IDNK: variants seen among roughly 807,000 people sequenced by gnomAD.
IDNK encodes IDNK gluconokinase.
A neutral mutation model predicts 13.0 loss-of-function variants in IDNK; 9 were observed. That is an observed-to-expected ratio of 0.69 (90% CI 0.42 to 1.21). The LOEUF (loss-of-function observed/expected upper bound fraction) is 1.21. Among genes scored for constraint, IDNK ranks in the 50% most tolerant of loss-of-function variants. IDNK has a pLI of 0.00. For missense variants in IDNK, 210 were observed against 237.8 expected (o/e 0.88, Z 0.77); for synonymous variants, 92 against 94.9 (o/e 0.97, Z 0.18).
At chr9:83,624,272 T>C (rs1830784041) in intron 1 of IDNK, among the ~76,000 whole-genome samples, 1 of 152,230 alleles carries the variant, frequency 6.6e-6, no homozygotes, top group Non-Finnish European at 1.5e-5. Flanking sequence ...CTTGGTTCTG[T>C]TGCTGTCTGG....
intron 1 of IDNK, among the ~76,000 whole-genome samples, chr9:83,626,094 C>A (rs1376736696): frequency 6.6e-6 from 1 of 152,218 alleles, no homozygotes; most frequent in Non-Finnish European, 1.5e-5. Flanking sequence ...TGCATCCCTT[C>A]CTTCTCCCCC....
chr9:83,623,344 G>T (rs1408808703), intron 1 of IDNK, 123 bp downstream of exon 1: 8 of 968,010 alleles, frequency 8.3e-6, no homozygotes, highest in Non-Finnish European at 1.2e-5. Context: ...TCCCTTTGCA[G>T]ATGAAGAAAC....
Position 83,643,669 on chromosome 9 carries a change from G to GT in IDNK, c.456dup (p.Glu153Ter), listed in dbSNP as rs1467774853. ...TGCCCCCTGAATTATTGCAGTCCCA[G>GT]TTTGAGACTCTGGAGCCCCCAGCAG... On this transcript the variant is annotated frameshift_variant, in exon 5 of 5. Coordinates refer to ENST00000376419, the MANE Select transcript of IDNK (RefSeq NM_001001551.4). LOFTEE classifies it high-confidence loss of function. The GT allele has an allele frequency of 6.2e-7, 1 of 1,613,864 alleles. No individual in the cohort carries two copies. Among genetic ancestry groups the GT allele is most frequent in the African/African-American group, 1.3e-5 (1 of 74,926 alleles).
chr9:83,635,607 C>A (rs1831142351), intron 3 of IDNK, among the ~76,000 whole-genome samples: 1 of 152,206 alleles, frequency 6.6e-6, no homozygotes, highest in Non-Finnish European at 1.5e-5. Context: ...GCCTTGCTAG[C>A]CTGGGAGTCA....
In IDNK at chr9:83,643,816, G is replaced by T; in HGVS notation, c.*36G>T. 1 of 1,485,584 alleles carries T rather than the reference G, an allele frequency of 6.7e-7. No individual in the cohort carries two copies. 92.0% of individuals were successfully genotyped at this position (1,485,584 alleles called of 1,614,324 possible). A position where few individuals can be genotyped will look rare whatever the true frequency, so the allele number is the denominator to read the frequency against. On this transcript the variant is annotated 3_prime_UTR_variant, in exon 5 of 5. Transcript: ENST00000376419. ...GTATCAGTGGTCCAAACAGAACTAA[G>T]CATAAATCATTGTGCCATCCCAAAC...
intron 3 of IDNK, among the ~76,000 whole-genome samples, chr9:83,633,256 G>A (rs903371680): frequency 1.3e-5 from 2 of 152,134 alleles, no homozygotes; most frequent in East Asian, 1.9e-4. Flanking sequence ...GGAGAATGGC[G>A]TGAACCCAGG....
intron 3 of IDNK, among the ~76,000 whole-genome samples, chr9:83,629,271 G>C (rs1679816310): frequency 6.6e-6 from 1 of 152,146 alleles, no homozygotes; most frequent in Non-Finnish European, 1.5e-5. Flanking sequence ...CATACATGGG[G>C]AAGTCCTCAT....
At position 83,643,470 on chromosome 9, in the gene IDNK, C is replaced by G; in HGVS notation, c.254C>G (p.Ala85Gly). The G allele has an allele frequency of 6.2e-7, 1 of 1,613,706 alleles. No homozygotes were observed. Among genetic ancestry groups the G allele is most frequent in the East Asian group, 2.2e-5 (1 of 44,860 alleles). Residue 85 changes from alanine (A) to glycine (G), a missense_variant, in exon 5 of 5, where the codon GCC becomes GGC. By Grantham distance (60) the Ala-to-Gly change is moderately conservative (BLOSUM62 0). Transcript: ENST00000376419. ...SGQRVVLACS[A>G]LKKTYRDILT... ...CAGCGTGTGGTTCTAGCCTGTTCAGCCCTGAAGAAAACGTACAGAGACATA... is the reference window on the plus strand; with the variant it reads ...CAGCGTGTGGTTCTAGCCTGTTCAGGCCTGAAGAAAACGTACAGAGACATA...
At chr9:83,626,800 G>A (rs991632298) in intron 1 of IDNK, 15 of 1,151,900 alleles carry the variant, frequency 1.3e-5, no homozygotes, top group East Asian at 8.0e-5. Flanking sequence ...CTACTCATCC[G>A]TAGGCTGCAT....
chr9:83,631,179 G>T (rs1266454652), intron 3 of IDNK, among the ~76,000 whole-genome samples: 1 of 151,636 alleles, frequency 6.6e-6, no homozygotes, highest in South Asian at 2.1e-4. Context: ...CCCTGTGAAT[G>T]GATTAAAGCG....
intron 3 of IDNK, among the ~76,000 whole-genome samples, chr9:83,635,413 A>G (rs1303262169): frequency 6.6e-6 from 1 of 152,246 alleles, no homozygotes. Context: ...ATGCATTAGT[A>G]GGAAAAGGCT....
At chr9:83,639,138 A>G (rs1437226159) in intron 3 of IDNK, among the ~76,000 whole-genome samples, 1 of 152,222 alleles carries the variant, frequency 6.6e-6, no homozygotes, top group Non-Finnish European at 1.5e-5. Flanking sequence ...AAAAATGCAC[A>G]CACATCACCA....
chr9:83,623,233 AG>A lies in IDNK; in HGVS notation c.50+13del. The A allele has an allele frequency of 7.2e-7, 1 of 1,392,614 alleles. No homozygotes were observed. The highest frequency in any genetic ancestry group is 1.7e-5 in the South Asian group (1 of 59,678). The allele number at this position is 1,392,614 out of a possible 1,614,324, so 86.3% of individuals were successfully genotyped here. On this transcript the variant is annotated intron_variant, in intron 1 of 4. Coordinates refer to ENST00000376419, the MANE Select transcript of IDNK (RefSeq NM_001001551.4). ...AGCGGCTCGGGGAAGTAGGTCCGGGAGAGGGCGGGGGGCGCCCGGGACAAGT... is the reference window on the plus strand; with the variant it reads ...AGCGGCTCGGGGAAGTAGGTCCGGGAAGGGCGGGGGGCGCCCGGGACAAGT...
intron 4 of IDNK, 24 bp from the exon 5 acceptor site, chr9:83,643,404 CT>C (rs758177728): frequency 1.1e-3 from 1,501 of 1,350,252 alleles, no homozygotes; most frequent in South Asian, 2.0e-3. Context: ...TAGCCTCCCT[CT>C]TTTTTTTTTC....
chr9:83,628,296 A>G (rs1023408711), intron 2 of IDNK, 85 bp downstream of exon 2: 2 of 1,191,020 alleles, frequency 1.7e-6, no homozygotes, highest in Non-Finnish European at 2.4e-6. Flanking sequence ...TCTGCTTTGT[A>G]CAGACACTTC....
intron 3 of IDNK, among the ~76,000 whole-genome samples, chr9:83,638,917 A>G (rs1406899585): frequency 2.0e-5 from 3 of 152,238 alleles, no homozygotes; most frequent in Non-Finnish European, 2.9e-5. Flanking sequence ...TAAAGTAGAC[A>G]AAAGAAATTA....
In IDNK at chr9:83,641,527, TTTTG is replaced by T. The variant is rs1831308197; in HGVS notation, c.169-17_169-14del. 6.2e-6 allele frequency: 10 copies of T among 1,613,514 alleles called. No homozygotes were observed. The highest frequency in any genetic ancestry group is 5.0e-5 in the Admixed American group (3 of 60,022). ...TGGAGAAGTCACGTTGTGTCTGGGTTTTTGTTTTTGTTTTTTTCAGGACCGGATT... is the reference window on the plus strand; with the variant it reads ...TGGAGAAGTCACGTTGTGTCTGGGTTTTTTTGTTTTTTTCAGGACCGGATT... On this transcript the variant is annotated splice_polypyrimidine_tract_variant and intron_variant, in intron 3 of 4. Coordinates refer to ENST00000376419, the MANE Select transcript of IDNK (RefSeq NM_001001551.4).
chr9:83,643,363 G>T, intron 4 of IDNK, 66 bp from the exon 5 acceptor site: 2 of 1,297,424 alleles, frequency 1.5e-6, no homozygotes, highest in South Asian at 3.0e-5. Context: ...AACTAGAATT[G>T]ACAGAGGTTA....
chr9:83,628,796 C>T (rs568463956), intron 2 of IDNK, 77 bp from the exon 3 acceptor site: 12 of 1,013,380 alleles, frequency 1.2e-5, no homozygotes, highest in African/African-American at 3.1e-5. Flanking sequence ...TCTACACCTG[C>T]CTGTTAGTAA....
Sources: gnomAD v4.1 joint callset for allele counts (sites outside exome capture counted in the v4.1 genomes callset) on GRCh38, gnomAD v4.1.1 for gene constraint, MANE v1.5 for transcripts, NCBI Gene and HGNC (gene_info 2026-07-23, HGNC 2026-07-21) for gene names.